Variants in CAMKK2 observed in about 807,000 individuals in gnomAD.
CAMKK2 encodes the protein calcium/calmodulin-dependent protein kinase kinase 2.
A neutral mutation model predicts 67.2 loss-of-function variants in CAMKK2; 30 were observed. The ratio of observed to expected loss-of-function variants is 0.45; its 90% confidence interval spans 0.33 to 0.61. The LOEUF is 0.61. CAMKK2 is among the 20% of genes least tolerant of loss of function. The pLI is 0.02. For synonymous variants in CAMKK2, 322 were observed against 326.2 expected, an observed-to-expected ratio of 0.99 and a Z score of 0.14; for missense variants, 643 against 802.0, an observed-to-expected ratio of 0.80 and a Z score of 2.39.
At chr12:121,264,657 C>T (rs1362398075) in intron 5 of CAMKK2, among the ~76,000 whole-genome samples, 1 of 151,846 alleles carries the variant, frequency 6.6e-6, no homozygotes, top group Non-Finnish European at 1.5e-5. Context: ...GCCTGTAGTC[C>T]CAGCTACTGG....
intron 2 of CAMKK2, among the ~76,000 whole-genome samples, chr12:121,272,594 G>A (rs149412874): frequency 8.8e-4 from 133 of 151,914 alleles, no homozygotes; most frequent in African/African-American, 3.0e-3. Context: ...AGTGCACAGT[G>A]GCTCATGCCT....
At chr12:121,252,627 C>T in intron 11 of CAMKK2, 34 bp downstream of exon 11, 1 of 1,601,104 alleles carries the variant, frequency 6.2e-7, no homozygotes, top group Non-Finnish European at 8.6e-7. Context: ...GGCCACCCAG[C>T]AGTACTGAGG....
At position 121,285,734 on chromosome 12, in the gene CAMKK2, C is replaced by A. The variant is rs1239140238; in HGVS notation, c.-60+10904G>T. Among the ~76,000 whole-genome samples, 1 of 152,130 alleles carries A rather than the reference C, an allele frequency of 6.6e-6. No individual in the cohort carries two copies. Among genetic ancestry groups the A allele is most frequent in the African/African-American group, 2.4e-5 (1 of 41,430 alleles). ...GGCTGAGGTGGGAGGATCGCTTGAG[C>A]TGGGGAGGTTGATGCAGCAGTGAGC... On this transcript the variant is annotated intron_variant, in intron 1 of 16. Coordinates refer to ENST00000404169, the MANE Select transcript of CAMKK2 (RefSeq NM_001270485.2). The surrounding 1 kb of genome is among the most constrained non-coding windows in gnomAD (Gnocchi z 4.1).
In CAMKK2 at chr12:121,274,420, G is replaced by A. The variant is rs778476145; in HGVS notation, c.107C>T (p.Ala36Val). The A allele has an allele frequency of 4.3e-6, 7 of 1,613,216 alleles. No individual in the cohort carries two copies. Among genetic ancestry groups the A allele is most frequent in the Non-Finnish European group, 5.9e-6 (7 of 1,179,932 alleles). ...GCTCAAGGATGAGAGGCCCCGCAGGGCCTCACAGGGCTTCTGGCTTTCGCT... is the reference window on the plus strand; with the variant it reads ...GCTCAAGGATGAGAGGCCCCGCAGGACCTCACAGGGCTTCTGGCTTTCGCT... ...SSSESQKPCE[A>V]LRGLSSLSIH... The change falls in exon 2 of 17, where the codon GCC (alanine) becomes GTC (valine). Residue 36 changes from alanine (A) to valine (V), a missense_variant. Around this residue, in one of 3 missense-constraint regions of CAMKK2, gnomAD observed 483 missense variants for 625.8 expected, o/e 0.77. Coordinates refer to ENST00000404169, the MANE Select transcript of CAMKK2 (RefSeq NM_001270485.2).
At chr12:121,258,812 T>C (rs1405425695) in intron 7 of CAMKK2, among the ~76,000 whole-genome samples, 1 of 151,284 alleles carries the variant, frequency 6.6e-6, no homozygotes. Flanking sequence ...AACCCCCCAA[T>C]GGCTTCCATC....
intron 7 of CAMKK2, 49 bp from the exon 8 acceptor site, chr12:121,255,853 A>ATCTC (rs752337761): frequency 2.2e-5 from 35 of 1,587,384 alleles, no homozygotes; most frequent in Non-Finnish European, 3.0e-5. Flanking sequence ...CTGAACATCC[A>ATCTC]TCTCTCTCTG....
At chr12:121,269,150 C>T (rs1048182110) in intron 4 of CAMKK2, among the ~76,000 whole-genome samples, 1 of 152,068 alleles carries the variant, frequency 6.6e-6, no homozygotes, top group Non-Finnish European at 1.5e-5. Flanking sequence ...AGAAATATCA[C>T]TTGTCAAGGT....
intron 1 of CAMKK2, among the ~76,000 whole-genome samples, chr12:121,286,342 A>C (rs577797229): frequency 6.6e-6 from 1 of 152,316 alleles, no homozygotes; most frequent in African/African-American, 2.4e-5. Flanking sequence ...TAAAACATCA[A>C]GGATGGGGCA....
At chr12:121,241,378 C>T (rs1888340634) in intron 16 of CAMKK2, among the ~76,000 whole-genome samples, 2 of 152,178 alleles carry the variant, frequency 1.3e-5, no homozygotes, top group Admixed American at 1.3e-4. Flanking sequence ...GGGCAGATGA[C>T]AACTGCTCCA....
At chr12:121,250,250 C>G (rs546628988) in intron 11 of CAMKK2, among the ~76,000 whole-genome samples, 1 of 152,096 alleles carries the variant, frequency 6.6e-6, no homozygotes, top group South Asian at 2.1e-4. Flanking sequence ...ATGGCCCTCT[C>G]GAAGGGCTAG....
intron 14 of CAMKK2, among the ~76,000 whole-genome samples, chr12:121,247,877 C>T (rs537607049): frequency 6.6e-6 from 1 of 152,312 alleles, no homozygotes; most frequent in South Asian, 2.1e-4. Context: ...CTAGTGCTGG[C>T]CAACTGCAAC....
rs143035233 is a variant in CAMKK2, at chr12:121,249,816, C to T, written c.1294G>A (p.Glu432Lys). 1.1e-5 allele frequency: 17 copies of T among 1,614,172 alleles called. No homozygotes were observed. Among genetic ancestry groups the T allele is most frequent in the South Asian group, 4.4e-5 (4 of 91,076 alleles). Residue 432 changes from glutamate to lysine, a missense_variant, in exon 13 of 17, where the codon GAG becomes AAG. Glu to Lys is a moderately conservative substitution (Grantham distance 56, BLOSUM62 1). This residue lies in a region of CAMKK2 where 483 missense variants were observed against 625.8 expected (regional missense o/e 0.77). Coordinates refer to ENST00000404169, the MANE Select transcript of CAMKK2 (RefSeq NM_001270485.2). ...ATTTCCGGCACCACGATCCTCGACTCGGGGTTCTTGTCCAGCATACGGGTG... is the reference window on the plus strand; with the variant it reads ...ATTTCCGGCACCACGATCCTCGACTTGGGGTTCTTGTCCAGCATACGGGTG... ...LITRMLDKNP[E>K]SRIVVPEIKL...
chr12:121,253,503 AG>A lies in CAMKK2; in HGVS notation c.908-32del. 1.2e-6 allele frequency: 2 copies of A among 1,600,720 alleles called. No individual in the cohort carries two copies. Among genetic ancestry groups the A allele is most frequent in the Non-Finnish European group, 1.7e-6 (2 of 1,168,118 alleles). On this transcript the variant is annotated intron_variant, in intron 9 of 16. Transcript: ENST00000404169. The surrounding 1 kb of genome is among the most constrained non-coding windows in gnomAD (Gnocchi z 5.0). Reference sequence around the variant, plus strand: ...GAGGCGTAGACAGCAGGTGGGAGATAGGGGCAGGAAAACCTCGTGAGCACCT... The same window carrying A: ...GAGGCGTAGACAGCAGGTGGGAGATAGGGCAGGAAAACCTCGTGAGCACCT...
At chr12:121,244,120 T>A in intron 16 of CAMKK2, 1 of 1,612,002 alleles carries the variant, frequency 6.2e-7, no homozygotes, top group Non-Finnish European at 8.5e-7. Flanking sequence ...AGGGGACTTA[T>A]TTTCTAGGTC....
In CAMKK2 at chr12:121,248,600, C is replaced by T. The variant is rs199631917; in HGVS notation, c.1452+6G>A. ...CTGCTCTGGGTCAGGGGTCCATCCACCTTACCACGGTTGCCAAGCTGGGAA... is the reference window on the plus strand; with the variant it reads ...CTGCTCTGGGTCAGGGGTCCATCCATCTTACCACGGTTGCCAAGCTGGGAA... On this transcript the variant is annotated splice_donor_region_variant and intron_variant, in intron 14 of 16. Coordinates refer to ENST00000404169, the MANE Select transcript of CAMKK2 (RefSeq NM_001270485.2). 3 of 1,614,198 alleles carry T rather than the reference C, an allele frequency of 1.9e-6. No homozygotes were observed. The highest frequency in any genetic ancestry group is 1.3e-5 in the African/African-American group (1 of 75,078).
intron 11 of CAMKK2, among the ~76,000 whole-genome samples, chr12:121,251,110 G>A (rs1890616977): frequency 6.6e-6 from 1 of 152,196 alleles, no homozygotes; most frequent in Non-Finnish European, 1.5e-5. Flanking sequence ...TGGCAGAGAG[G>A]TACCTGAACC....
intron 2 of CAMKK2, among the ~76,000 whole-genome samples, 197 bp downstream of exon 2, chr12:121,273,859 T>C (rs1282485593): frequency 6.6e-6 from 1 of 152,010 alleles, no homozygotes; most frequent in African/African-American, 2.4e-5. Context: ...CTGCCTTCCC[T>C]TCCCCATGCT....
At chr12:121,276,228 G>T (rs1593442521) in intron 1 of CAMKK2, among the ~76,000 whole-genome samples, 1 of 151,688 alleles carries the variant, frequency 6.6e-6, no homozygotes, top group East Asian at 1.9e-4. Context: ...AGCACTTTGG[G>T]AGGCCAAGGC....
chr12:121,261,862 C>T (rs1893525703), intron 6 of CAMKK2, among the ~76,000 whole-genome samples: 1 of 152,214 alleles, frequency 6.6e-6, no homozygotes. Flanking sequence ...AGCTGGCTGC[C>T]CCCGCTTTGT....
Sources: gnomAD v4.1 joint callset for allele counts (sites outside exome capture counted in the v4.1 genomes callset) on GRCh38, gnomAD v4.1.1 for gene constraint, gnomAD v4.1.1 regional missense constraint, Gnocchi (gnomAD v3.1) non-coding constraint, MANE v1.5 for transcripts, NCBI Gene and HGNC (gene_info 2026-07-23, HGNC 2026-07-21) for gene names.